Variants in ZCCHC7 observed in about 807,000 individuals in gnomAD.
ZCCHC7 encodes zinc finger CCHC-type containing 7, also known as zinc finger CCHC domain-containing protein 7.
A neutral mutation model predicts 52.0 loss-of-function variants in ZCCHC7; 35 were observed. That is an observed-to-expected ratio of 0.67 (90% CI 0.51 to 0.89). The LOEUF (loss-of-function observed/expected upper bound fraction) is 0.89. Among genes scored for constraint, ZCCHC7 ranks in the 40% least tolerant of loss-of-function variants. ZCCHC7 has a pLI of 0.00. For missense variants in ZCCHC7, 574 were observed against 649.1 expected, an observed-to-expected ratio of 0.88 and a Z score of 1.26; for synonymous variants, 217 against 221.5, an observed-to-expected ratio of 0.98 and a Z score of 0.18.
At chr9:37,196,825 A>G (rs1823313635) in intron 2 of ZCCHC7, among the ~76,000 whole-genome samples, 1 of 152,170 alleles carries the variant, frequency 6.6e-6, no homozygotes, top group Non-Finnish European at 1.5e-5. Context: ...CCCTCCCAAA[A>G]TATCTAGGAT....
In ZCCHC7 at chr9:37,175,117, G is replaced by GA. The variant is rs574722132; in HGVS notation, c.610+48187dup. ...TGGATGACAGTGAGACTGTCTCAAA[G>GA]AAAAAAAAAAAAGGAATATTTGATC... is the stretch of plus-strand genomic sequence containing the variant. On this transcript the variant is annotated intron_variant, in intron 2 of 8. Coordinates refer to ENST00000336755, the MANE Select transcript of ZCCHC7 (RefSeq NM_032226.3). 1.6e-3 allele frequency among the ~76,000 whole-genome samples: 216 copies of GA among 134,648 alleles called. 1 individual carries two copies. The highest frequency in any genetic ancestry group is 3.7e-3 in the Middle Eastern group (1 of 268). The allele number at this position is 134,648 out of a possible 152,430, so 88.3% of individuals were successfully genotyped here.
intron 2 of ZCCHC7, among the ~76,000 whole-genome samples, chr9:37,276,971 TCCAGC>T (rs1168806388): frequency 6.6e-6 from 1 of 152,158 alleles, no homozygotes; most frequent in Non-Finnish European, 1.5e-5. Flanking sequence ...TGCTAATCAC[TCCAGC>T]CCAAAGTACC....
At chr9:37,330,781 G>A (rs886456619) in intron 6 of ZCCHC7, among the ~76,000 whole-genome samples, 1 of 148,436 alleles carries the variant, frequency 6.7e-6, no homozygotes, top group Non-Finnish European at 1.5e-5. Context: ...CCCTTTATTC[G>A]AGAAAGAATG....
intron 2 of ZCCHC7, among the ~76,000 whole-genome samples, chr9:37,234,472 A>G (rs1489251869): frequency 6.6e-6 from 1 of 152,214 alleles, no homozygotes; most frequent in African/African-American, 2.4e-5. Flanking sequence ...TCCTGGTCCA[A>G]TCAGTGGGGT....
intron 2 of ZCCHC7, among the ~76,000 whole-genome samples, chr9:37,151,741 G>C (rs1157279634): frequency 6.6e-6 from 1 of 152,052 alleles, no homozygotes; most frequent in African/African-American, 2.4e-5. Flanking sequence ...GGAGGCGGAG[G>C]TTGCAGTGAG....
At chr9:37,205,257 G>T in intron 2 of ZCCHC7, 1 of 334,598 alleles carries the variant, frequency 3.0e-6, no homozygotes, top group Non-Finnish European at 5.8e-6. Context: ...TTTGTGAGGT[G>T]TTCCTTTTTG....
chr9:37,184,362 G>A (rs913429931), intron 2 of ZCCHC7, among the ~76,000 whole-genome samples: 4 of 146,776 alleles, frequency 2.7e-5, no homozygotes, highest in Admixed American at 6.9e-5. Context: ...CTTAGTGGCA[G>A]TTTTCTAGAT....
At chr9:37,145,496 A>G (rs1204498043) in intron 2 of ZCCHC7, among the ~76,000 whole-genome samples, 2 of 152,072 alleles carry the variant, frequency 1.3e-5, no homozygotes, top group East Asian at 3.9e-4. Context: ...AAACCTTTTC[A>G]GTTTCTAGGA....
At chr9:37,164,738 C>G (rs1186474642) in intron 2 of ZCCHC7, among the ~76,000 whole-genome samples, 1 of 151,988 alleles carries the variant, frequency 6.6e-6, no homozygotes, top group Non-Finnish European at 1.5e-5. Flanking sequence ...ACCATCACAT[C>G]TAAGTTTTTT....
At chr9:37,139,247 T>G (rs766032234) in intron 2 of ZCCHC7, among the ~76,000 whole-genome samples, 2 of 152,012 alleles carry the variant, frequency 1.3e-5, no homozygotes, top group Non-Finnish European at 2.9e-5. Context: ...ACTGGCATGG[T>G]TAACTTTTGG....
intron 2 of ZCCHC7, among the ~76,000 whole-genome samples, chr9:37,279,925 C>T (rs568242087): frequency 2.4e-4 from 36 of 151,950 alleles, no homozygotes; most frequent in African/African-American, 8.4e-4. Context: ...GAGGCCGAGG[C>T]GGGCGGATCA....
intron 2 of ZCCHC7, among the ~76,000 whole-genome samples, chr9:37,210,437 T>C (rs1824155607): frequency 6.6e-6 from 1 of 152,236 alleles, no homozygotes; most frequent in African/African-American, 2.4e-5. Context: ...CTGTTCATCC[T>C]ATCTTATATT....
intron 2 of ZCCHC7, among the ~76,000 whole-genome samples, chr9:37,269,219 C>T (rs1827267428): frequency 6.6e-6 from 1 of 152,036 alleles, no homozygotes; most frequent in African/African-American, 2.4e-5. Flanking sequence ...CATTGTAGGC[C>T]ATGTTAAGGT....
At position 37,197,543 on chromosome 9, in the gene ZCCHC7, G is replaced by A. The variant is rs578039072; in HGVS notation, c.610+70601G>A. Among the ~76,000 whole-genome samples the A allele has an allele frequency of 8.5e-5, 13 of 152,276 alleles. No individual in the cohort carries two copies. The South Asian group carries it at 1.9e-3, about 22-fold the overall frequency. On this transcript the variant is annotated intron_variant, in intron 2 of 8. Transcript: ENST00000336755. ...GTGAACTGTTTTTTATTTTGGAAACGAAAATGCCAGTCTCAGTGTTATGAT... is the reference window on the plus strand; with the variant it reads ...GTGAACTGTTTTTTATTTTGGAAACAAAAATGCCAGTCTCAGTGTTATGAT...
rs201395017 is a variant in ZCCHC7 at position 37,357,672 on chromosome 9, CT to C, written c.*423del. 0.15 allele frequency: 20,184 copies of C among 136,458 alleles called. 1,418 individuals carry two copies. The highest frequency in any genetic ancestry group is 0.18 in the Non-Finnish European group (11,386 of 62,114). 8.5% of individuals were successfully genotyped at this position (136,458 alleles called of 1,614,324 possible). A position where few individuals can be genotyped will look rare whatever the true frequency, so the allele number is the denominator to read the frequency against. On this transcript the variant is annotated 3_prime_UTR_variant, in exon 9 of 9. Coordinates refer to ENST00000336755, the MANE Select transcript of ZCCHC7 (RefSeq NM_032226.3). Reference sequence around the variant, plus strand: ...AGAAAAAGTCATCAATATTTTTCAACTTTTTTTTTTTTTTTTTTTACTTTGG... The same window carrying C: ...AGAAAAAGTCATCAATATTTTTCAACTTTTTTTTTTTTTTTTTTACTTTGG...
chr9:37,200,338 T>G lies in ZCCHC7; in HGVS notation c.610+73396T>G, dbSNP rs1446483583. Reference sequence around the variant, plus strand: ...GCTGTATTCAGGCCTCATTTTGTGCTTAATTTCCATGTTTCCTGTTGCTTT... The same window carrying G: ...GCTGTATTCAGGCCTCATTTTGTGCGTAATTTCCATGTTTCCTGTTGCTTT... On this transcript the variant is annotated intron_variant, in intron 2 of 8. Transcript: ENST00000336755. Among the ~76,000 whole-genome samples, 4 of 152,196 alleles carry G rather than the reference T, an allele frequency of 2.6e-5. No individual in the cohort carries two copies. The East Asian group carries it at 5.8e-4, about 22-fold the overall frequency.
At chr9:37,270,984 C>T (rs1205931076) in intron 2 of ZCCHC7, among the ~76,000 whole-genome samples, 3 of 151,908 alleles carry the variant, frequency 2.0e-5, no homozygotes, top group East Asian at 1.9e-4. Flanking sequence ...TTTGGTTACC[C>T]GAATGAGGGG....
chr9:37,328,322 T>C (rs1261194614), intron 6 of ZCCHC7, among the ~76,000 whole-genome samples: 1 of 152,054 alleles, frequency 6.6e-6, no homozygotes, highest in Non-Finnish European at 1.5e-5. Flanking sequence ...CCTTCTTGAC[T>C]TATTCAAAAT....
intron 2 of ZCCHC7, among the ~76,000 whole-genome samples, chr9:37,274,507 T>C (rs76996422): frequency 0.036 from 5,446 of 151,884 alleles, 275 homozygotes; most frequent in African/African-American, 0.11. Context: ...GCCCGGCTAA[T>C]TTTTGTAATT....
Sources: gnomAD v4.1 joint callset for allele counts (sites outside exome capture counted in the v4.1 genomes callset) on GRCh38, gnomAD v4.1.1 for gene constraint, MANE v1.5 for transcripts, NCBI Gene and HGNC (gene_info 2026-07-23, HGNC 2026-07-21) for gene names.